The following GARRE1 variants were observed in gnomAD, a reference collection of about 807,000 sequenced individuals.
GARRE1 encodes the protein granule associated Rac and RHOG effector 1, also known as granule associated Rac and RHOG effector protein 1.
In GARRE1, 49 loss-of-function variants were observed where a neutral mutation model predicts 103.2. The ratio of observed to expected loss-of-function variants is 0.47; its 90% confidence interval spans 0.38 to 0.60. The LOEUF is 0.60. GARRE1 is among the 20% of genes least tolerant of loss of function. GARRE1 has a pLI of 0.00. For synonymous variants in GARRE1, 505 were observed against 532.8 expected, an observed-to-expected ratio of 0.95 and a Z score of 0.72; for missense variants, 1,199 against 1,370.5, an observed-to-expected ratio of 0.87 and a Z score of 1.98.
At chr19:34,271,685 C>T (rs1052232417) in intron 1 of GARRE1, among the ~76,000 whole-genome samples, 1 of 152,144 alleles carries the variant, frequency 6.6e-6, no homozygotes, top group Middle Eastern at 3.4e-3. Flanking sequence ...TGTAGAGAGA[C>T]CCCATCTCTA....
chr19:34,272,000 C>T (rs1199044532), intron 1 of GARRE1, among the ~76,000 whole-genome samples: 1 of 152,042 alleles, frequency 6.6e-6, no homozygotes, highest in Non-Finnish European at 1.5e-5. Flanking sequence ...AAATGAGAAA[C>T]ATTTAGGATA....
chr19:34,288,195 C>A (rs2073897745), intron 1 of GARRE1, among the ~76,000 whole-genome samples: 1 of 152,104 alleles, frequency 6.6e-6, no homozygotes, highest in Admixed American at 6.6e-5. Flanking sequence ...TATGTAGCTT[C>A]CTCTGAAAGA....
At chr19:34,332,211 C>T (rs1226904804) in intron 7 of GARRE1, among the ~76,000 whole-genome samples, 1 of 151,946 alleles carries the variant, frequency 6.6e-6, no homozygotes, top group African/African-American at 2.4e-5. Flanking sequence ...GGCTTGTTCA[C>T]AGTAATGAGT....
At chr19:34,280,169 G>A (rs945104174) in intron 1 of GARRE1, among the ~76,000 whole-genome samples, 6 of 151,972 alleles carry the variant, frequency 3.9e-5, no homozygotes, top group East Asian at 1.9e-4. Flanking sequence ...TAAACAACCA[G>A]GTCTCATGAG....
chr19:34,301,722 G>C (rs1250763290), intron 2 of GARRE1, among the ~76,000 whole-genome samples: 1 of 146,818 alleles, frequency 6.8e-6, no homozygotes, highest in South Asian at 2.1e-4. Context: ...CTGCTCCGTC[G>C]CCCAGGCTGG....
chr19:34,339,168 A>T (rs1471359317), intron 8 of GARRE1, among the ~76,000 whole-genome samples: 2 of 152,160 alleles, frequency 1.3e-5, no homozygotes, highest in Non-Finnish European at 2.9e-5. Flanking sequence ...CACAGACCGC[A>T]CAGGTTAAGG....
intron 7 of GARRE1, among the ~76,000 whole-genome samples, chr19:34,333,090 A>G (rs1257665586): frequency 6.6e-6 from 1 of 152,184 alleles, no homozygotes; most frequent in Non-Finnish European, 1.5e-5. Flanking sequence ...TCTGTTGCTC[A>G]GGCTGGAGTG....
intron 1 of GARRE1, among the ~76,000 whole-genome samples, chr19:34,281,079 TG>T (rs1346966181): frequency 6.6e-6 from 1 of 152,240 alleles, no homozygotes; most frequent in Non-Finnish European, 1.5e-5. Context: ...TTTTCTCATT[TG>T]TTGACAGTAA....
intron 1 of GARRE1, among the ~76,000 whole-genome samples, chr19:34,278,641 T>A (rs1290780844): frequency 1.3e-5 from 2 of 152,080 alleles, no homozygotes; most frequent in Non-Finnish European, 2.9e-5. Flanking sequence ...TCTCCAAGGT[T>A]CATCCATGTT....
chr19:34,302,683 A>G (rs1179585553), intron 2 of GARRE1, among the ~76,000 whole-genome samples: 1 of 151,060 alleles, frequency 6.6e-6, no homozygotes. Flanking sequence ...CACAGTTGCT[A>G]ATATTCAGAT....
intron 9 of GARRE1, among the ~76,000 whole-genome samples, chr19:34,340,809 T>C (rs1443387410): frequency 2.6e-5 from 4 of 152,320 alleles, no homozygotes; most frequent in South Asian, 4.2e-4. Flanking sequence ...TGAGCCACCA[T>C]GCCCAACCTT....
chr19:34,322,824 G>A (rs2074095414), intron 3 of GARRE1, among the ~76,000 whole-genome samples: 2 of 151,924 alleles, frequency 1.3e-5, no homozygotes, highest in Non-Finnish European at 2.9e-5. Context: ...CTGACCTCAG[G>A]TGATCTACCT....
chr19:34,314,898 C>T (rs536240136), intron 2 of GARRE1, among the ~76,000 whole-genome samples: 1 of 152,282 alleles, frequency 6.6e-6, no homozygotes, highest in East Asian at 1.9e-4. Context: ...CTTTGTGTCA[C>T]ATTCTGGTGT....
At chr19:34,341,127 A>G (rs1189304384) in intron 9 of GARRE1, among the ~76,000 whole-genome samples, 1 of 152,120 alleles carries the variant, frequency 6.6e-6, no homozygotes, top group African/African-American at 2.4e-5. Context: ...TAGCTTCTGC[A>G]AGTTGCATCC....
At chr19:34,299,206 C>T (rs2073964009) in intron 1 of GARRE1, among the ~76,000 whole-genome samples, 1 of 152,194 alleles carries the variant, frequency 6.6e-6, no homozygotes, top group Non-Finnish European at 1.5e-5. Flanking sequence ...ACAATCAAGG[C>T]CTACCTCAGA....
chr19:34,261,393 G>A (rs1331263519), intron 1 of GARRE1, among the ~76,000 whole-genome samples: 1 of 152,040 alleles, frequency 6.6e-6, no homozygotes, highest in Non-Finnish European at 1.5e-5. Flanking sequence ...CTGGCCTCTG[G>A]TTCATACATC....
At position 34,342,346 on chromosome 19, in the gene GARRE1, G is replaced by A; in HGVS notation, c.2412G>A (p.Glu804=). The A allele has an allele frequency of 6.2e-7, 1 of 1,614,144 alleles. No homozygotes were observed. Among genetic ancestry groups the A allele is most frequent in the South Asian group, 1.1e-5 (1 of 91,074 alleles). Residue 804 remains glutamate (E), a synonymous_variant, in exon 10 of 14, where the codon GAG becomes GAA. Transcript: ENST00000299505. ...VSSYMDNVMS[E]VLGQKPQGPR... is the part of the protein sequence containing the mutation. ...GCTATATGGATAATGTGATGTCAGA[G>A]GTTCTGGGACAGAAGCCGCAGGGAC...
chr19:34,271,834 CA>C (rs2073789984), intron 1 of GARRE1, among the ~76,000 whole-genome samples: 2 of 148,476 alleles, frequency 1.3e-5, no homozygotes, highest in African/African-American at 5.2e-5. Flanking sequence ...GTCTCAAAAA[CA>C]AAAACAAAAA....
chr19:34,279,588 G>A (rs1304333608), intron 1 of GARRE1, among the ~76,000 whole-genome samples: 1 of 152,090 alleles, frequency 6.6e-6, no homozygotes, highest in Non-Finnish European at 1.5e-5. Context: ...GTATCTCACT[G>A]TGGTTTTGAT....
Sources: allele counts gnomAD v4.1 joint callset (sites outside exome capture counted in the v4.1 genomes callset), GRCh38; gene constraint gnomAD v4.1.1; transcripts MANE v1.5; gene names NCBI Gene and HGNC (gene_info 2026-07-23, HGNC 2026-07-21).